The following ABCB5 variants were observed in gnomAD, a reference collection of about 807,000 sequenced individuals.
ABCB5 encodes the protein ATP-binding cassette sub-family B member 5.
ABCB5 carries 155 observed loss-of-function variants against 144.2 expected under a neutral mutation model. The observed-to-expected ratio is 1.08, with a 90% CI of 0.94 to 1.23. The LOEUF (loss-of-function observed/expected upper bound fraction) is 1.23, where lower values mean the gene tolerates loss of function less well. ABCB5 is among the 50% of genes most tolerant of loss of function. ABCB5 has a pLI of 0.00. For missense variants in ABCB5, 1,830 were observed against 1,520.8 expected, an observed-to-expected ratio of 1.20 and a Z score of -3.38; for synonymous variants, 610 against 528.6, an observed-to-expected ratio of 1.15 and a Z score of -2.11.
intron 19 of ABCB5, among the ~76,000 whole-genome samples, chr7:20,702,693 G>C (rs925116326): frequency 8.0e-6 from 1 of 125,580 alleles, no homozygotes; most frequent in African/African-American, 3.2e-5. Flanking sequence ...ACACAGTCTC[G>C]CTCTGTCGCC....
At chr7:20,647,915 G>A in intron 10 of ABCB5, 53 bp from the exon 11 acceptor site, 1 of 1,223,360 alleles carries the variant, frequency 8.2e-7, no homozygotes, top group East Asian at 2.4e-5. Context: ...AAAATGTAGA[G>A]ACTGTCAGTT....
intron 8 of ABCB5, 21 bp downstream of exon 8, chr7:20,645,901 C>A: frequency 6.2e-7 from 1 of 1,612,994 alleles, no homozygotes; most frequent in Non-Finnish European, 8.5e-7. Flanking sequence ...TTAAATATAA[C>A]AAGATATGCT....
At chr7:20,624,293 G>T (rs887764054) in intron 2 of ABCB5, among the ~76,000 whole-genome samples, 5 of 152,118 alleles carry the variant, frequency 3.3e-5, no homozygotes, top group African/African-American at 1.2e-4. Context: ...AAGAGTTTGG[G>T]TTCTGGCGTC....
chr7:20,744,384 C>T (rs904187161), intron 25 of ABCB5, among the ~76,000 whole-genome samples: 1 of 152,090 alleles, frequency 6.6e-6, no homozygotes, highest in South Asian at 2.1e-4. Flanking sequence ...ATTGCCCTGA[C>T]CAGAATGTCC....
intron 21 of ABCB5, among the ~76,000 whole-genome samples, chr7:20,726,075 G>T (rs1420588154): frequency 6.6e-6 from 1 of 152,160 alleles, no homozygotes; most frequent in African/African-American, 2.4e-5. Flanking sequence ...ATGTTCTCAT[G>T]TCCGAAAAGC....
chr7:20,655,705 AT>A, intron 13 of ABCB5, among the ~76,000 whole-genome samples: 2 of 152,188 alleles, frequency 1.3e-5, no homozygotes, highest in East Asian at 3.8e-4. Context: ...GAAACTCCAT[AT>A]TTTTAAAGAT....
chr7:20,754,675 A>C (rs1162755526), intron 27 of ABCB5, among the ~76,000 whole-genome samples: 1 of 152,228 alleles, frequency 6.6e-6, no homozygotes, highest in African/African-American at 2.4e-5. Context: ...AAAATTAGAT[A>C]AATAAATTAG....
intron 16 of ABCB5, among the ~76,000 whole-genome samples, chr7:20,690,215 C>T (rs1786169941): frequency 6.6e-6 from 1 of 152,102 alleles, no homozygotes; most frequent in Non-Finnish European, 1.5e-5. Flanking sequence ...ATAGTATTAC[C>T]AGTATTTGTG....
rs1785833578 is a variant in ABCB5 at position 20,681,630 on chromosome 7, A to G, written c.1833A>G (p.Ala611=). The change falls in exon 15 of 28, where the codon GCA becomes GCG. Residue 611 remains alanine (A), a synonymous_variant. Coordinates refer to ENST00000404938, the MANE Select transcript of ABCB5 (RefSeq NM_001163941.2). ...AAGGAGCACATGCTGAACTAATGGCAAAACGAGGTCTATATTATTCACTTG... is the reference window on the plus strand; with the variant it reads ...AAGGAGCACATGCTGAACTAATGGCGAAACGAGGTCTATATTATTCACTTG... ...AEKGAHAELM[A]KRGLYYSLVM... is the part of the protein sequence containing the mutation. 1.2e-6 allele frequency: 2 copies of G among 1,614,206 alleles called. No individual in the cohort carries two copies. Among genetic ancestry groups the G allele is most frequent in the Admixed American group, 1.7e-5 (1 of 60,030 alleles).
At chr7:20,666,232 T>A (rs1381902681) in intron 14 of ABCB5, among the ~76,000 whole-genome samples, 3 of 151,728 alleles carry the variant, frequency 2.0e-5, no homozygotes, top group African/African-American at 7.3e-5. Flanking sequence ...ATGTCACCGA[T>A]GAGCCCCAAA....
chr7:20,721,145 T>C (rs1781854660), intron 20 of ABCB5, among the ~76,000 whole-genome samples: 1 of 152,132 alleles, frequency 6.6e-6, no homozygotes, highest in Admixed American at 6.5e-5. Flanking sequence ...TTGATCATGG[T>C]ATTTTGGATA....
chr7:20,636,501 G>A (rs529749196), intron 5 of ABCB5, among the ~76,000 whole-genome samples: 1 of 151,566 alleles, frequency 6.6e-6, no homozygotes, highest in East Asian at 1.9e-4. Flanking sequence ...ATTTATTACT[G>A]AGACCAGCTG....
intron 16 of ABCB5, among the ~76,000 whole-genome samples, chr7:20,691,335 T>C (rs916040926): frequency 1.3e-5 from 2 of 151,836 alleles, no homozygotes; most frequent in Non-Finnish European, 2.9e-5. Context: ...GAGGCCAAAG[T>C]AGCCAGAGGT....
At chr7:20,697,606 G>C (rs1461243871) in intron 16 of ABCB5, among the ~76,000 whole-genome samples, 2 of 152,130 alleles carry the variant, frequency 1.3e-5, no homozygotes, top group African/African-American at 2.4e-5. Flanking sequence ...CGTCTCCTAG[G>C]AAGGGCTGGC....
chr7:20,704,351 G>A (rs528658072), intron 19 of ABCB5, among the ~76,000 whole-genome samples: 2 of 152,016 alleles, frequency 1.3e-5, no homozygotes, highest in Non-Finnish European at 2.9e-5. Context: ...GGAATTACAG[G>A]TGTGAGCCAC....
At chr7:20,653,729 A>T (rs1784678049) in intron 13 of ABCB5, among the ~76,000 whole-genome samples, 1 of 152,344 alleles carries the variant, frequency 6.6e-6, no homozygotes, top group African/African-American at 2.4e-5. Context: ...AGGCAGGGGC[A>T]GAAGCCCAGT....
chr7:20,632,936 C>T (rs1220807790), intron 5 of ABCB5, among the ~76,000 whole-genome samples: 2 of 151,414 alleles, frequency 1.3e-5, no homozygotes, highest in African/African-American at 4.9e-5. Flanking sequence ...GGGTGCAGCG[C>T]ACCAGCATGG....
chr7:20,751,228 G>A (rs781776958), intron 26 of ABCB5, among the ~76,000 whole-genome samples: 2 of 151,100 alleles, frequency 1.3e-5, no homozygotes, highest in African/African-American at 2.4e-5. Flanking sequence ...TCAAATTTTC[G>A]GCTAAAGAGA....
chr7:20,698,424 C>T lies in ABCB5; in HGVS notation c.2028C>T (p.Val676=), dbSNP rs767001378. ...TQSKEISLPE[V]SLLKILKLNK... The stretch of plus-strand genomic sequence containing the variant: ...ATTTTTAGATAAGTCTTCCTGAAGT[C>T]TCTCTATTAAAAATTTTAAAGTTAA... The change falls in exon 17 of 28, where the codon GTC becomes GTT. Residue 676 remains valine, a synonymous_variant. Transcript: ENST00000404938. 9 of 1,575,754 alleles carry T rather than the reference C, an allele frequency of 5.7e-6. No homozygotes were observed. In the Admixed American group the frequency reaches 1.6e-4, roughly 29 times the overall value.
Sources: gnomAD v4.1 joint callset for allele counts (sites outside exome capture counted in the v4.1 genomes callset) on GRCh38, gnomAD v4.1.1 for gene constraint, MANE v1.5 for transcripts, NCBI Gene and HGNC (gene_info 2026-07-23, HGNC 2026-07-21) for gene names.